The following SAMMSON variants were observed in gnomAD, a reference collection of about 807,000 sequenced individuals.
SAMMSON encodes the protein survival associated mitochondrial melanoma specific oncogenic non-coding RNA, also known as long intergenic non-protein coding RNA 1212.
At chr3:70,002,960 C>G (rs2066911838) in intron 1 of SAMMSON, among the ~76,000 whole-genome samples, 1 of 152,020 alleles carries the variant, frequency 6.6e-6, no homozygotes, top group South Asian at 2.1e-4. Flanking sequence ...TTAAAATATC[C>G]TACTATGATT....
chr3:70,024,332 T>A, intron 3 of SAMMSON, among the ~76,000 whole-genome samples: 1 of 152,228 alleles, frequency 6.6e-6, no homozygotes, highest in South Asian at 2.1e-4. Flanking sequence ...CCACTTCTTC[T>A]AGTTGTCACA....
chr3:70,074,271 A>G (rs1001096771), intron 4 of SAMMSON, among the ~76,000 whole-genome samples: 1 of 152,078 alleles, frequency 6.6e-6, no homozygotes, highest in Non-Finnish European at 1.5e-5. Flanking sequence ...GAGCCATATT[A>G]TTTACAATTG....
At chr3:70,100,348 G>C (rs2067338961) in intron 4 of SAMMSON, among the ~76,000 whole-genome samples, 1 of 151,974 alleles carries the variant, frequency 6.6e-6, no homozygotes, top group South Asian at 2.1e-4. Flanking sequence ...AGGTTTCACT[G>C]TGTTGCTCAG....
At chr3:70,291,218 C>T (rs545846391) in exon 7 of SAMMSON, 5 of 152,280 alleles carry the variant, frequency 3.3e-5, no homozygotes, top group Non-Finnish European at 5.9e-5. Flanking sequence ...AAATCAGCTC[C>T]TCCACCTACC....
At chr3:70,269,959 G>C (rs1472490709) in intron 6 of SAMMSON, among the ~76,000 whole-genome samples, 1 of 152,016 alleles carries the variant, frequency 6.6e-6, no homozygotes, top group Non-Finnish European at 1.5e-5. Context: ...AAAAGAAAAT[G>C]ATCCTCAAAT....
intron 7 of SAMMSON, among the ~76,000 whole-genome samples, chr3:70,330,371 G>C (rs1245938386): frequency 6.6e-6 from 1 of 151,910 alleles, no homozygotes; most frequent in South Asian, 2.1e-4. Context: ...TACATGAAAA[G>C]TGAAATGAGC....
intron 3 of SAMMSON, among the ~76,000 whole-genome samples, chr3:70,042,872 G>A (rs1403912924): frequency 1.3e-5 from 2 of 152,110 alleles, no homozygotes; most frequent in Non-Finnish European, 2.9e-5. Flanking sequence ...AGTATTCACT[G>A]TTGTGAGCTG....
intron 4 of SAMMSON, among the ~76,000 whole-genome samples, chr3:70,153,254 C>G (rs1215744527): frequency 1.3e-5 from 2 of 151,914 alleles, no homozygotes; most frequent in African/African-American, 2.4e-5. Flanking sequence ...AGAGCGGTCT[C>G]TAATATGGTT....
chr3:70,156,903 C>T (rs1322361257), intron 4 of SAMMSON, among the ~76,000 whole-genome samples: 1 of 151,976 alleles, frequency 6.6e-6, no homozygotes, highest in Non-Finnish European at 1.5e-5. Flanking sequence ...TTAATGTTTG[C>T]AGTATTTTGA....
chr3:70,297,575 T>C (rs764047927), intron 7 of SAMMSON, among the ~76,000 whole-genome samples: 28 of 152,148 alleles, frequency 1.8e-4, no homozygotes, highest in Non-Finnish European at 3.8e-4. Context: ...ATATGTATAT[T>C]TGTGTTATCG....
intron 6 of SAMMSON, among the ~76,000 whole-genome samples, chr3:70,273,088 T>C (rs1701989392): frequency 6.6e-6 from 1 of 152,136 alleles, no homozygotes; most frequent in Non-Finnish European, 1.5e-5. Context: ...TGACCCAAGT[T>C]TTGTCTGGGA....
At chr3:70,172,415 C>G (rs569546512) in intron 4 of SAMMSON, 29 of 151,972 alleles carry the variant, frequency 1.9e-4, no homozygotes, top group Non-Finnish European at 3.8e-4. Context: ...CTTGGAAATT[C>G]CATGCCATTA....
chr3:70,354,044 G>C (rs2106736306), intron 7 of SAMMSON: 1 of 152,438 alleles, frequency 6.6e-6, no homozygotes, highest in East Asian at 1.9e-4. Context: ...AGGGATTAGG[G>C]AGAGAGTGGG....
intron 4 of SAMMSON, among the ~76,000 whole-genome samples, chr3:70,195,960 A>G (rs1701173994): frequency 1.3e-5 from 2 of 152,342 alleles, no homozygotes; most frequent in East Asian, 3.9e-4. Flanking sequence ...ATTATCAGAC[A>G]AAGAAAAACA....
At chr3:70,072,525 A>G (rs1283082521) in intron 4 of SAMMSON, 3 of 151,766 alleles carry the variant, frequency 2.0e-5, no homozygotes. Context: ...AGAAAAAAAA[A>G]TCTCCTCCTG....
At chr3:70,050,380 A>G (rs1188961829) in intron 3 of SAMMSON, among the ~76,000 whole-genome samples, 1 of 152,132 alleles carries the variant, frequency 6.6e-6, no homozygotes. Context: ...GCCACTTCCA[A>G]TGTCTTCCAG....
At chr3:70,139,807 G>GA (rs1298887793) in intron 4 of SAMMSON, among the ~76,000 whole-genome samples, 1 of 152,098 alleles carries the variant, frequency 6.6e-6, no homozygotes, top group Non-Finnish European at 1.5e-5. Flanking sequence ...TTGGACAATA[G>GA]AGTGTGCAAT....
At chr3:70,155,538 A>G (rs964916293) in intron 4 of SAMMSON, among the ~76,000 whole-genome samples, 1 of 152,074 alleles carries the variant, frequency 6.6e-6, no homozygotes, top group African/African-American at 2.4e-5. Context: ...AGCTCTTAAT[A>G]AGATGAAGAA....
intron 4 of SAMMSON, among the ~76,000 whole-genome samples, chr3:70,248,927 A>G (rs766197819): frequency 3.9e-5 from 6 of 152,174 alleles, no homozygotes; most frequent in Non-Finnish European, 7.4e-5. Flanking sequence ...AAGAAGCTTT[A>G]AGACATTATT....
Sources: gnomAD v4.1 joint callset for allele counts (sites outside exome capture counted in the v4.1 genomes callset) on GRCh38, gnomAD v4.1.1 for gene constraint, MANE v1.5 for transcripts, NCBI Gene and HGNC (gene_info 2026-07-23, HGNC 2026-07-21) for gene names.